Variants in GRK4 observed in about 807,000 individuals in gnomAD.
The protein encoded by GRK4 is G protein-coupled receptor kinase 2-like.
In GRK4, 73 loss-of-function variants were observed where a neutral mutation model predicts 77.9. The ratio of observed to expected loss-of-function variants is 0.94; its 90% CI spans 0.78 to 1.14. GRK4 has a LOEUF of 1.14. Ranked by LOEUF, GRK4 falls within the 50% of genes most tolerant of loss-of-function variation. GRK4 has a pLI of 0.00. For synonymous variants in GRK4, 257 were observed against 254.4 expected, an observed-to-expected ratio of 1.01 and a Z score of -0.10; for missense variants, 729 against 700.2, an observed-to-expected ratio of 1.04 and a Z score of -0.46.
Position 3,035,520 on chromosome 4 carries a change from T to C in GRK4, c.1404T>C (p.Pro468=). 6.2e-7 allele frequency: 1 copy of C among 1,612,290 alleles called. No homozygotes were observed. Among genetic ancestry groups the C allele is most frequent in the Non-Finnish European group, 8.5e-7 (1 of 1,179,104 alleles). The stretch of plus-strand genomic sequence containing the variant: ...ACATGCTGGAGCCCCCTTTCTGTCC[T>C]GATGTAAGTGCATTGCCAGGACGAG... ...EANMLEPPFC[P]DPHAVYCKDV... Residue 468 remains proline (P), a synonymous_variant, in exon 13 of 16, where the codon CCT becomes CCC. Coordinates refer to ENST00000398052, the MANE Select transcript of GRK4 (RefSeq NM_182982.3).
At position 3,019,689 on chromosome 4, in the gene GRK4, C is replaced by T. The variant is rs772942998; in HGVS notation, c.790C>T (p.Leu264Phe). ...YETKDALCLV[L>F]TIMNGGDLKF... Reference sequence around the variant, plus strand: ...AACCAAAGATGCCTTGTGCTTGGTGCTCACCATTATGAATGGAGGGGATTT... The same window carrying T: ...AACCAAAGATGCCTTGTGCTTGGTGTTCACCATTATGAATGGAGGGGATTT... The change falls in exon 9 of 16, where the codon CTC becomes TTC. Residue 264 changes from leucine to phenylalanine, a missense_variant. Transcript: ENST00000398052. 1.5e-5 allele frequency: 25 copies of T among 1,614,070 alleles called. No individual in the cohort carries two copies. The South Asian group carries it at 2.6e-4, about 17-fold the overall frequency.
chr4:3,018,927 C>A (rs1735293778), intron 8 of GRK4, among the ~76,000 whole-genome samples: 1 of 152,024 alleles, frequency 6.6e-6, no homozygotes, highest in Non-Finnish European at 1.5e-5. Flanking sequence ...GACCATGTTC[C>A]CAGATTGGAA....
At chr4:2,992,507 A>G (rs1726545018) in intron 4 of GRK4, among the ~76,000 whole-genome samples, 1 of 152,008 alleles carries the variant, frequency 6.6e-6, no homozygotes, top group Non-Finnish European at 1.5e-5. Flanking sequence ...TAGTGAGACC[A>G]TCTCTACAAA....
At chr4:3,029,011 A>G (rs1738395565) in intron 11 of GRK4, among the ~76,000 whole-genome samples, 190 bp from the exon 12 acceptor site, 1 of 152,174 alleles carries the variant, frequency 6.6e-6, no homozygotes, top group Non-Finnish European at 1.5e-5. Flanking sequence ...ATCTCAGGTG[A>G]TCTGCCTGCC....
At chr4:2,989,476 T>G (rs919716871) in intron 3 of GRK4, among the ~76,000 whole-genome samples, 4 of 152,134 alleles carry the variant, frequency 2.6e-5, no homozygotes, top group African/African-American at 9.7e-5. Flanking sequence ...TGCAGTGGCA[T>G]GATCTTGGCT....
rs139959957 is a variant in GRK4, at chr4:2,992,097, C to T, written c.262-118C>T. On this transcript the variant is annotated intron_variant, in intron 3 of 15. Transcript: ENST00000398052. The stretch of plus-strand genomic sequence containing the variant: ...CTCGCTATGTTGCTCAGGCTGGCCT[C>T]GAACTCTTGAGCTCAAGTGATCCTC... 1.8e-4 allele frequency: 106 copies of T among 600,626 alleles called. No individual in the cohort carries two copies. The African/African-American group carries it at 1.8e-3, about 10-fold the overall frequency. 37.2% of individuals were successfully genotyped at this position (600,626 alleles called of 1,614,324 possible).
At chr4:3,039,617 G>C (rs1177585436) in intron 15 of GRK4, among the ~76,000 whole-genome samples, 1 of 148,318 alleles carries the variant, frequency 6.7e-6, no homozygotes, top group East Asian at 2.0e-4. Flanking sequence ...AGAATCGCTT[G>C]AACCTGGGAG....
intron 1 of GRK4, among the ~76,000 whole-genome samples, chr4:2,979,797 T>C (rs867771744): frequency 6.6e-6 from 1 of 152,228 alleles, no homozygotes; most frequent in Non-Finnish European, 1.5e-5. Flanking sequence ...CTGGATCTCT[T>C]GAGTCCAGGA....
At chr4:3,008,677 C>T (rs950787275) in intron 6 of GRK4, among the ~76,000 whole-genome samples, 3 of 152,000 alleles carry the variant, frequency 2.0e-5, no homozygotes, top group Non-Finnish European at 2.9e-5. Flanking sequence ...TGGCATGCAC[C>T]TGTACTCCCA....
intron 4 of GRK4, among the ~76,000 whole-genome samples, chr4:2,994,462 C>T (rs1280322077): frequency 6.6e-6 from 1 of 152,230 alleles, no homozygotes; most frequent in East Asian, 1.9e-4. Flanking sequence ...CTGCCTGCCT[C>T]GGCCTCCCAA....
chr4:2,965,336 T>C (rs1197916056), intron 1 of GRK4: 2 of 702,948 alleles, frequency 2.8e-6, no homozygotes, highest in East Asian at 2.7e-5. Context: ...TCGGACCTCA[T>C]GTCTCCCTTG....
rs545271674 is a variant in GRK4, at chr4:3,028,124, G to A, written c.1060+123G>A. The A allele has an allele frequency of 5.1e-5, 40 of 779,508 alleles. No homozygotes were observed. The South Asian group carries it at 6.0e-4, about 12-fold the overall frequency. 48.3% of individuals were successfully genotyped at this position (779,508 alleles called of 1,614,324 possible). On this transcript the variant is annotated intron_variant, in intron 11 of 15. Transcript: ENST00000398052. ...TTTGGACACACTAGTAGATGGCGCA[G>A]TGGTGTTTTGAATCTCTAACCTGTC...
At chr4:2,965,490 T>C in intron 1 of GRK4, 1 of 702,828 alleles carries the variant, frequency 1.4e-6, no homozygotes, top group South Asian at 1.5e-5. Context: ...GCTCGGACTG[T>C]GCTCCAGGAC....
chr4:2,987,235 C>CT (rs34731815), intron 2 of GRK4: 3 of 438,516 alleles, frequency 6.8e-6, no homozygotes, highest in East Asian at 6.3e-5. Context: ...TTGTGACAGG[C>CT]TTTTTTTACG....
Position 3,040,567 on chromosome 4 carries a change from T to G in GRK4, c.1684-5T>G, listed in dbSNP as rs754107615. ...TGTGCCTGAGGCCGCCGCTGTGTGT[T>G]GTAGGGCTGCCTGACCATGGTCCCC... On this transcript the variant is annotated splice_polypyrimidine_tract_variant and splice_region_variant and intron_variant, in intron 15 of 15. Transcript: ENST00000398052. 1.9e-5 allele frequency: 31 copies of G among 1,608,236 alleles called. No individual in the cohort carries two copies. The African/African-American group carries it at 4.0e-4, about 21-fold the overall frequency.
chr4:3,008,853 T>C (rs913010247), intron 6 of GRK4, among the ~76,000 whole-genome samples: 9 of 152,056 alleles, frequency 5.9e-5, no homozygotes, highest in Non-Finnish European at 1.0e-4. Context: ...ATTAGTACTA[T>C]TATTATTGAT....
rs751458381 is a variant in GRK4, at chr4:3,019,836, G to A, written c.932+5G>A. On this transcript the variant is annotated splice_donor_5th_base_variant and intron_variant, in intron 9 of 15. Transcript: ENST00000398052. ...GAGGGAAAGAATTGTATACAGGTAA[G>A]AACGGTGCTACCTAATGGAGCCTGC... The A allele has an allele frequency of 6.2e-7, 1 of 1,611,590 alleles. No homozygotes were observed. The highest frequency in any genetic ancestry group is 8.5e-7 in the Non-Finnish European group (1 of 1,178,378).
At chr4:3,032,697 G>T (rs1208209955) in intron 12 of GRK4, among the ~76,000 whole-genome samples, 2 of 152,224 alleles carry the variant, frequency 1.3e-5, no homozygotes, top group East Asian at 3.8e-4. Flanking sequence ...TCTCATTTAT[G>T]AAATGTAGAT....
chr4:2,998,615 G>A (rs1272185955), intron 4 of GRK4, among the ~76,000 whole-genome samples: 1 of 151,828 alleles, frequency 6.6e-6, no homozygotes, highest in Non-Finnish European at 1.5e-5. Context: ...CCTTTGTATA[G>A]TATCAAAAAA....
Sources: allele counts gnomAD v4.1 joint callset (sites outside exome capture counted in the v4.1 genomes callset), GRCh38; gene constraint gnomAD v4.1.1; transcripts MANE v1.5; gene names NCBI Gene and HGNC (gene_info 2026-07-23, HGNC 2026-07-21).